LRFN2: variants seen among roughly 807,000 people sequenced by gnomAD.
LRFN2 encodes leucine-rich repeat and fibronectin type-III domain-containing protein 2.
A neutral mutation model predicts 37.3 loss-of-function variants in LRFN2; 18 were observed. The observed-to-expected ratio is 0.48, with a 90% CI of 0.33 to 0.72. The LOEUF is 0.72. Among genes scored for constraint, LRFN2 ranks in the 30% least tolerant of loss-of-function variants. The pLI is 0.02. For synonymous variants in LRFN2, 556 were observed against 466.6 expected (o/e 1.19, Z -2.47); for missense variants, 1,006 against 1,060.7 (o/e 0.95, Z 0.72).
chr6:40,434,729 C>T (rs1175429732), intron 1 of LRFN2, among the ~76,000 whole-genome samples: 6 of 151,730 alleles, frequency 4.0e-5, no homozygotes, highest in Non-Finnish European at 7.4e-5. Flanking sequence ...CCACCTGCCC[C>T]GGCCTCCCAA....
At chr6:40,416,191 T>C (rs1763088064) in intron 2 of LRFN2, among the ~76,000 whole-genome samples, 1 of 152,194 alleles carries the variant, frequency 6.6e-6, no homozygotes, top group Non-Finnish European at 1.5e-5. Context: ...GTATGTTTAG[T>C]AGAGATAGGA....
In LRFN2 at chr6:40,392,982, A is replaced by G; in HGVS notation, c.1401-70T>C. ...AAGGACAGGGTGATGGGGAGTGGACAGAGGTAGAAACAGAGTGACAGAGAT... is the reference window on the plus strand; with the variant it reads ...AAGGACAGGGTGATGGGGAGTGGACGGAGGTAGAAACAGAGTGACAGAGAT... On this transcript the variant is annotated intron_variant, in intron 2 of 2. Transcript: ENST00000338305. This position sits in a 1 kb window ranked among gnomAD's most constrained non-coding sequence, Gnocchi z 4.7. 1.7e-6 allele frequency: 2 copies of G among 1,198,554 alleles called. No individual in the cohort carries two copies. The highest frequency in any genetic ancestry group is 2.3e-6 in the Non-Finnish European group (2 of 887,940). The allele number at this position is 1,198,554 out of a possible 1,614,324, so 74.2% of individuals were successfully genotyped here.
chr6:40,488,667 C>T (rs1765020503), intron 1 of LRFN2, among the ~76,000 whole-genome samples: 1 of 152,206 alleles, frequency 6.6e-6, no homozygotes, highest in African/African-American at 2.4e-5. Context: ...TCAACATCTC[C>T]TCCAGGAAGC....
chr6:40,584,953 C>A (rs1003828737), intron 1 of LRFN2, among the ~76,000 whole-genome samples: 2 of 152,156 alleles, frequency 1.3e-5, no homozygotes, highest in Admixed American at 1.3e-4. Flanking sequence ...TTCTTCCCAT[C>A]TATCTTGCTT....
intron 1 of LRFN2, among the ~76,000 whole-genome samples, chr6:40,584,099 T>C (rs1767456563): frequency 1.3e-5 from 2 of 152,150 alleles, no homozygotes; most frequent in Non-Finnish European, 2.9e-5. Context: ...TTCTGGAGCC[T>C]TTTAACAATC....
chr6:40,491,067 G>C (rs1765082295), intron 1 of LRFN2, among the ~76,000 whole-genome samples: 1 of 152,210 alleles, frequency 6.6e-6, no homozygotes, highest in Admixed American at 6.5e-5. Context: ...TGGCGGTGGA[G>C]ATGGCGGTCA....
chr6:40,392,125 C>T lies in LRFN2; in HGVS notation c.2188G>A (p.Ala730Thr). Residue 730 changes from alanine to threonine, a missense_variant, in exon 3 of 3, where the codon GCT (alanine) becomes ACT (threonine). Transcript: ENST00000338305. This position sits in a 1 kb window ranked among gnomAD's most constrained non-coding sequence, Gnocchi z 4.7. ...ACGACCCCTCCCGCCGCCGCAGCAG[C>T]AAAGTCCCCCATGTCGAAGGAGTGG... ...RSHSFDMGDFAAAAAGGVVPG... is the reference protein window; with the variant it reads ...RSHSFDMGDFTAAAAGGVVPG... The T allele has an allele frequency of 1.2e-6, 2 of 1,612,722 alleles. No homozygotes were observed. Among genetic ancestry groups the T allele is most frequent in the Non-Finnish European group, 8.5e-7 (1 of 1,179,414 alleles).
intron 1 of LRFN2, among the ~76,000 whole-genome samples, chr6:40,484,737 C>T (rs144715855): frequency 2.2e-4 from 34 of 152,324 alleles, no homozygotes; most frequent in Non-Finnish European, 3.7e-4. Context: ...CAAGCTAAGT[C>T]CATGAGCTCA....
intron 1 of LRFN2, among the ~76,000 whole-genome samples, chr6:40,520,484 C>T (rs545757191): frequency 1.3e-5 from 2 of 152,226 alleles, no homozygotes; most frequent in Admixed American, 6.5e-5. Flanking sequence ...GCAGGAGAAG[C>T]CCCCTCCCTT....
At chr6:40,448,184 C>T (rs1764017649) in intron 1 of LRFN2, among the ~76,000 whole-genome samples, 1 of 152,082 alleles carries the variant, frequency 6.6e-6, no homozygotes, top group African/African-American at 2.4e-5. Context: ...GATTTGCGGG[C>T]TTGCTGAGTT....
At chr6:40,475,537 A>T (rs1383828917) in intron 1 of LRFN2, among the ~76,000 whole-genome samples, 1 of 152,160 alleles carries the variant, frequency 6.6e-6, no homozygotes, top group African/African-American at 2.4e-5. Flanking sequence ...TGCCATCAGC[A>T]CTGGAAACTG....
chr6:40,509,109 T>C (rs1169657464), intron 1 of LRFN2, among the ~76,000 whole-genome samples: 1 of 152,216 alleles, frequency 6.6e-6, no homozygotes, highest in African/African-American at 2.4e-5. Context: ...AACAAATATT[T>C]TGGAGTGCCT....
intron 1 of LRFN2, among the ~76,000 whole-genome samples, chr6:40,534,499 C>A (rs1194236331): frequency 6.6e-6 from 1 of 152,010 alleles, no homozygotes; most frequent in African/African-American, 2.4e-5. Flanking sequence ...GGCAGGCGGA[C>A]AAGATCTGTG....
chr6:40,499,063 C>T (rs1765307368), intron 1 of LRFN2, among the ~76,000 whole-genome samples: 2 of 152,148 alleles, frequency 1.3e-5, no homozygotes, highest in Admixed American at 1.3e-4. Flanking sequence ...TTTATGATGC[C>T]CCAGGTAGCA....
chr6:40,392,028 A>G lies in LRFN2; in HGVS notation c.2285T>C (p.Met762Thr). 1 of 1,613,698 alleles carries G rather than the reference A, an allele frequency of 6.2e-7. No homozygotes were observed. The highest frequency in any genetic ancestry group is 8.5e-7 in the Non-Finnish European group (1 of 1,179,838). ...GTCACTCTCCTCAAAGGGCAAGAGC[A>G]TGCCGTTGACAGAGAGGCTGCGCTT... ...WTKRSLSVNGMLLPFEESDLV... is the reference protein window; with the variant it reads ...WTKRSLSVNGTLLPFEESDLV... The change falls in exon 3 of 3, where the codon ATG (methionine) becomes ACG (threonine). Residue 762 changes from methionine to threonine, a missense_variant. Coordinates refer to ENST00000338305, the MANE Select transcript of LRFN2 (RefSeq NM_020737.3). The surrounding 1 kb of genome is among the most constrained non-coding windows in gnomAD (Gnocchi z 4.7).
At chr6:40,422,411 C>A (rs990551452) in intron 2 of LRFN2, among the ~76,000 whole-genome samples, 8 of 152,156 alleles carry the variant, frequency 5.3e-5, no homozygotes, top group African/African-American at 1.9e-4. Flanking sequence ...ACGAGAATAT[C>A]CAGGCACCAA....
chr6:40,472,689 C>G (rs1471901942), intron 1 of LRFN2, among the ~76,000 whole-genome samples: 1 of 152,136 alleles, frequency 6.6e-6, no homozygotes, highest in African/African-American at 2.4e-5. Flanking sequence ...CTACGGGAGC[C>G]CTGGATGTGA....
chr6:40,416,165 C>T (rs566091859), intron 2 of LRFN2, among the ~76,000 whole-genome samples: 4 of 152,266 alleles, frequency 2.6e-5, no homozygotes, highest in South Asian at 4.2e-4. Context: ...TGTGCCAGCA[C>T]GCCCTGCTAA....
intron 1 of LRFN2, among the ~76,000 whole-genome samples, chr6:40,475,905 C>T (rs1764700720): frequency 6.6e-6 from 1 of 152,202 alleles, no homozygotes; most frequent in Non-Finnish European, 1.5e-5. Flanking sequence ...GAAAGAGCAT[C>T]CAAGGATTTA....
Sources: allele counts gnomAD v4.1 joint callset (sites outside exome capture counted in the v4.1 genomes callset), GRCh38; gene constraint gnomAD v4.1.1; non-coding constraint Gnocchi (gnomAD v3.1); transcripts MANE v1.5; gene names NCBI Gene and HGNC (gene_info 2026-07-23, HGNC 2026-07-21).